TRDN: variants seen among roughly 807,000 people sequenced by gnomAD.
TRDN encodes the protein triadin.
A neutral mutation model predicts 149.7 loss-of-function variants in TRDN; 161 were observed. The ratio of observed to expected loss-of-function variants is 1.08; its 90% CI spans 0.95 to 1.23. The LOEUF is 1.23. Among genes scored for constraint, TRDN ranks in the 50% most tolerant of loss-of-function variants. The pLI is 0.00. For missense variants in TRDN, 896 were observed against 823.5 expected, an observed-to-expected ratio of 1.09 and a Z score of -1.08; for synonymous variants, 294 against 250.5, an observed-to-expected ratio of 1.17 and a Z score of -1.64.
At position 123,246,257 on chromosome 6, in the gene TRDN, T is replaced by C. The variant is rs559540441; in HGVS notation, c.1975+6155A>G. ...AAGATCTGAGGAGAACTGAAGGAGA[T>C]AGAGACACAAAAATCCCTTCTAAAA... On this transcript the variant is annotated intron_variant, in intron 38 of 40. Coordinates refer to ENST00000334268, the MANE Select transcript of TRDN (RefSeq NM_006073.4). Among the ~76,000 whole-genome samples the C allele has an allele frequency of 1.1e-4, 17 of 151,842 alleles. 1 individual carries two copies. Among genetic ancestry groups the C allele is most frequent in the Admixed American group, 3.9e-4 (6 of 15,230 alleles).
At chr6:123,438,159 G>T in intron 11 of TRDN, 37 bp from the exon 12 acceptor site, 1 of 1,469,506 alleles carries the variant, frequency 6.8e-7, no homozygotes, top group Non-Finnish European at 9.2e-7. Context: ...GCCTTTACCT[G>T]TTTAACTTGC....
chr6:123,622,114 G>A (rs1478492245), intron 1 of TRDN, among the ~76,000 whole-genome samples: 1 of 151,994 alleles, frequency 6.6e-6, no homozygotes, highest in Non-Finnish European at 1.5e-5. Flanking sequence ...CCACCACTGG[G>A]ACAGCAAACC....
At chr6:123,236,709 C>A (rs549108094) in intron 38 of TRDN, among the ~76,000 whole-genome samples, 5 of 152,280 alleles carry the variant, frequency 3.3e-5, no homozygotes, top group African/African-American at 9.6e-5. Context: ...TTATTCTCCA[C>A]TAAATTGCTT....
At chr6:123,443,485 G>C (rs1019555922) in intron 10 of TRDN, among the ~76,000 whole-genome samples, 2 of 152,024 alleles carry the variant, frequency 1.3e-5, no homozygotes, top group Non-Finnish European at 1.5e-5. Flanking sequence ...CAGCAGGCTA[G>C]ATAAATTCAA....
intron 38 of TRDN, among the ~76,000 whole-genome samples, chr6:123,241,928 TG>T (rs1478660969): frequency 6.6e-6 from 1 of 152,098 alleles, no homozygotes; most frequent in Admixed American, 6.6e-5. Context: ...TCTCAAGAAA[TG>T]TTCCTACTAC....
intron 38 of TRDN, among the ~76,000 whole-genome samples, chr6:123,245,845 A>G (rs1459053502): frequency 6.6e-6 from 1 of 152,210 alleles, no homozygotes; most frequent in African/African-American, 2.4e-5. Flanking sequence ...TTGGAAGTAA[A>G]GCACTCCTCA....
intron 11 of TRDN, among the ~76,000 whole-genome samples, chr6:123,438,580 A>G (rs1774713894): frequency 1.3e-5 from 2 of 152,074 alleles, no homozygotes; most frequent in African/African-American, 2.4e-5. Context: ...CCAATCAAGT[A>G]TTTTCTGCCC....
intron 12 of TRDN, among the ~76,000 whole-genome samples, chr6:123,417,193 T>A (rs1309041067): frequency 6.6e-6 from 1 of 152,242 alleles, no homozygotes; most frequent in Admixed American, 6.5e-5. Context: ...TATATCTGTC[T>A]CATAAAATTA....
chr6:123,448,897 C>T (rs1187370972), intron 10 of TRDN, among the ~76,000 whole-genome samples: 1 of 152,174 alleles, frequency 6.6e-6, no homozygotes, highest in Admixed American at 6.5e-5. Context: ...CATAACAGGA[C>T]TCTGTGCAGA....
intron 14 of TRDN, among the ~76,000 whole-genome samples, chr6:123,387,713 C>T (rs1219968816): frequency 6.6e-6 from 1 of 151,958 alleles, no homozygotes; most frequent in Non-Finnish European, 1.5e-5. Flanking sequence ...GTTAGTAAGA[C>T]CAACATGAGG....
intron 38 of TRDN, among the ~76,000 whole-genome samples, chr6:123,249,467 G>T (rs926284153): frequency 2.0e-5 from 3 of 152,158 alleles, no homozygotes; most frequent in Admixed American, 6.6e-5. Context: ...ATATTAAAAA[G>T]ATACCTGTAC....
chr6:123,335,453 G>A (rs1022890708), intron 22 of TRDN, among the ~76,000 whole-genome samples: 1 of 151,608 alleles, frequency 6.6e-6, no homozygotes, highest in East Asian at 2.0e-4. Flanking sequence ...ACGTATATAA[G>A]GTTTGCAGCA....
rs141824315 is a variant in TRDN at position 123,256,222 on chromosome 6, G to C, written c.1871-320C>G. Reference sequence around the variant, plus strand: ...TTCTGTTCCGGTGTTAGTTTGCTGAGACGATGGTTTCCGGCTTCATCCATG... The same window carrying C: ...TTCTGTTCCGGTGTTAGTTTGCTGACACGATGGTTTCCGGCTTCATCCATG... On this transcript the variant is annotated intron_variant, in intron 35 of 40. Coordinates refer to ENST00000334268, the MANE Select transcript of TRDN (RefSeq NM_006073.4). Among the ~76,000 whole-genome samples, 22 of 152,258 alleles carry C rather than the reference G, an allele frequency of 1.4e-4. No homozygotes were observed. The East Asian group carries it at 4.2e-3, about 29-fold the overall frequency.
chr6:123,233,486 C>T (rs546848215), intron 38 of TRDN, among the ~76,000 whole-genome samples: 1 of 152,172 alleles, frequency 6.6e-6, no homozygotes, highest in South Asian at 2.1e-4. Context: ...TCCCATCACT[C>T]CCAGGATAAA....
chr6:123,636,055 A>G (rs1285014292), intron 1 of TRDN, among the ~76,000 whole-genome samples: 1 of 151,988 alleles, frequency 6.6e-6, no homozygotes, highest in Non-Finnish European at 1.5e-5. Flanking sequence ...AGGAAAATGA[A>G]GAATGAATTT....
In TRDN at chr6:123,309,531, A is replaced by G. The variant is rs1448917401; in HGVS notation, c.1510+6926T>C. 2.0e-5 allele frequency among the ~76,000 whole-genome samples: 3 copies of G among 151,982 alleles called. No homozygotes were observed. The East Asian group carries it at 5.8e-4, about 29-fold the overall frequency. ...AAGTTACACCCCTGAACAAGGGGCA[A>G]AGGGAGTAAAATTCATGTATCGCTA... is the stretch of plus-strand genomic sequence containing the variant. On this transcript the variant is annotated intron_variant, in intron 24 of 40. Coordinates refer to ENST00000334268, the MANE Select transcript of TRDN (RefSeq NM_006073.4).
At chr6:123,239,939 A>G (rs140040172) in intron 38 of TRDN, among the ~76,000 whole-genome samples, 206 of 152,170 alleles carry the variant, frequency 1.4e-3, no homozygotes, top group Non-Finnish European at 4.3e-4. Context: ...AATATACTAT[A>G]TATGGCAGTG....
intron 38 of TRDN, among the ~76,000 whole-genome samples, chr6:123,247,788 C>T (rs1776238244): frequency 6.6e-6 from 1 of 152,116 alleles, no homozygotes; most frequent in South Asian, 2.1e-4. Context: ...CCTGTATAGT[C>T]AAGACAATCC....
intron 24 of TRDN, among the ~76,000 whole-genome samples, chr6:123,301,786 T>TAC (rs1554221700): frequency 7.7e-5 from 7 of 90,490 alleles, no homozygotes; most frequent in African/African-American, 2.1e-4. Flanking sequence ...TATATATATA[T>TAC]ACATAAATGA....
Sources: gnomAD v4.1 joint callset for allele counts (sites outside exome capture counted in the v4.1 genomes callset) on GRCh38, gnomAD v4.1.1 for gene constraint, MANE v1.5 for transcripts, NCBI Gene and HGNC (gene_info 2026-07-23, HGNC 2026-07-21) for gene names.